Variants in FTO observed in about 807,000 individuals in gnomAD.
FTO encodes alpha-ketoglutarate-dependent dioxygenase FTO.
Under a neutral mutation model 63.9 loss-of-function variants are expected in FTO, and 47 were observed. The ratio of observed to expected loss-of-function variants is 0.74; its 90% CI spans 0.58 to 0.94. The LOEUF is 0.94. FTO is among the 40% of genes least tolerant of loss of function. FTO has a pLI of 0.00. For synonymous variants in FTO, 207 were observed against 224.4 expected, an observed-to-expected ratio of 0.92 and a Z score of 0.69; for missense variants, 562 against 618.1, an observed-to-expected ratio of 0.91 and a Z score of 0.96.
intron 2 of FTO, among the ~76,000 whole-genome samples, chr16:53,815,083 C>CAG (rs56202708): frequency 4.1e-4 from 61 of 148,044 alleles, no homozygotes; most frequent in East Asian, 2.6e-3. Context: ...GGGAGACGGT[C>CAG]AGAGAGAGAG....
intron 7 of FTO, among the ~76,000 whole-genome samples, chr16:53,919,443 T>C (rs1327280657): frequency 6.6e-6 from 1 of 152,124 alleles, no homozygotes; most frequent in African/African-American, 2.4e-5. Flanking sequence ...AAGGTAGAAC[T>C]ACCATTTGAT....
intron 8 of FTO, among the ~76,000 whole-genome samples, chr16:54,055,877 C>T (rs1434620913): frequency 4.6e-5 from 7 of 152,154 alleles, no homozygotes; most frequent in African/African-American, 7.2e-5. Flanking sequence ...CTGTCTCTAC[C>T]GATGGCTTGT....
chr16:53,825,160 G>A (rs531613914), intron 2 of FTO, among the ~76,000 whole-genome samples: 5 of 152,178 alleles, frequency 3.3e-5, no homozygotes, highest in Non-Finnish European at 5.9e-5. Context: ...GAGCAAAATT[G>A]CCATGGCTTT....
chr16:53,934,852 G>A (rs1434648126), intron 8 of FTO, among the ~76,000 whole-genome samples: 2 of 152,130 alleles, frequency 1.3e-5, no homozygotes, highest in East Asian at 1.9e-4. Context: ...GTTACGTGGC[G>A]ATGACTGTAG....
chr16:53,975,450 T>C (rs1374379793), intron 8 of FTO, among the ~76,000 whole-genome samples: 4 of 152,118 alleles, frequency 2.6e-5, no homozygotes, highest in African/African-American at 4.8e-5. Context: ...AAAGATTTGG[T>C]CTGGTGGACT....
At chr16:54,022,133 A>C (rs566725598) in intron 8 of FTO, among the ~76,000 whole-genome samples, 1 of 152,292 alleles carries the variant, frequency 6.6e-6, no homozygotes, top group South Asian at 2.1e-4. Context: ...GAAGAAAAAA[A>C]CAAAAAAACA....
intron 4 of FTO, among the ~76,000 whole-genome samples, chr16:53,851,285 T>TAAAA (rs571720201): frequency 9.7e-6 from 1 of 103,298 alleles, no homozygotes; most frequent in African/African-American, 3.4e-5. Context: ...CCACCTCTAC[T>TAAAA]AAAAAAAAAA....
chr16:53,985,389 C>T (rs117422112), intron 8 of FTO, among the ~76,000 whole-genome samples: 3,330 of 152,256 alleles, frequency 0.022, 56 homozygotes, highest in South Asian at 0.085. Context: ...GCATTATTAT[C>T]GCAGATCCAG....
chr16:53,988,954 A>G (rs1193760658), intron 8 of FTO, among the ~76,000 whole-genome samples: 1 of 149,028 alleles, frequency 6.7e-6, no homozygotes, highest in Admixed American at 7.1e-5. Flanking sequence ...AATTCAGAAA[A>G]CCATTTTTTG....
At chr16:53,947,561 A>G (rs1467823155) in intron 8 of FTO, among the ~76,000 whole-genome samples, 1 of 152,098 alleles carries the variant, frequency 6.6e-6, no homozygotes, top group African/African-American at 2.4e-5. Flanking sequence ...GGCTTGAACG[A>G]GCATTTTATT....
chr16:53,927,089 A>G (rs1196139522), intron 7 of FTO, among the ~76,000 whole-genome samples: 2 of 152,222 alleles, frequency 1.3e-5, no homozygotes, highest in Non-Finnish European at 2.9e-5. Context: ...TACTTTTAAA[A>G]GATCACTCTT....
chr16:53,721,731 G>A (rs1292374643), intron 1 of FTO, among the ~76,000 whole-genome samples: 1 of 152,086 alleles, frequency 6.6e-6, no homozygotes, highest in Non-Finnish European at 1.5e-5. Context: ...TTCTGGGTAG[G>A]TATTTCATAC....
chr16:53,757,301 T>G (rs1392562679), intron 1 of FTO, among the ~76,000 whole-genome samples: 1 of 152,158 alleles, frequency 6.6e-6, no homozygotes, highest in African/African-American at 2.4e-5. Context: ...GTCACCATGT[T>G]GTACAAGAGA....
intron 8 of FTO, chr16:53,992,619 C>T (rs2083837693): frequency 1.3e-5 from 2 of 152,116 alleles, no homozygotes. Flanking sequence ...GTTGTTCCCT[C>T]TCGGATGAAC....
chr16:54,098,552 C>T (rs1446703966), intron 8 of FTO, among the ~76,000 whole-genome samples: 1 of 152,184 alleles, frequency 6.6e-6, no homozygotes, highest in Non-Finnish European at 1.5e-5. Flanking sequence ...GAACAGCTGG[C>T]CTTTTATTCT....
chr16:53,910,682 C>T (rs144839034), intron 7 of FTO, among the ~76,000 whole-genome samples: 2,038 of 152,186 alleles, frequency 0.013, 23 homozygotes, highest in Middle Eastern at 0.037. Context: ...ATTACAGATG[C>T]GCACCACCAT....
At chr16:53,905,020 C>A (rs1391361490) in intron 7 of FTO, among the ~76,000 whole-genome samples, 34 of 152,032 alleles carry the variant, frequency 2.2e-4, no homozygotes, top group Admixed American at 2.2e-3. Context: ...CTAATAAAGA[C>A]AAGGACGAAA....
chr16:54,062,374 G>T (rs1457631865), intron 8 of FTO, among the ~76,000 whole-genome samples: 1 of 152,070 alleles, frequency 6.6e-6, no homozygotes. Flanking sequence ...TTGGCAGGGG[G>T]GTGCGGCAGG....
At chr16:53,937,603 C>A (rs8050152) in intron 8 of FTO, 6,647 of 208,418 alleles carry the variant, frequency 0.032, 451 homozygotes, top group African/African-American at 0.14. Flanking sequence ...TAACTGCAAT[C>A]GTGAGTGAGA....
Sources: gnomAD v4.1 joint callset for allele counts (sites outside exome capture counted in the v4.1 genomes callset) on GRCh38, gnomAD v4.1.1 for gene constraint, MANE v1.5 for transcripts, NCBI Gene and HGNC (gene_info 2026-07-23, HGNC 2026-07-21) for gene names.